The following ATOSA variants were observed in gnomAD, a reference collection of about 807,000 sequenced individuals.
ATOSA encodes the protein atos homolog A, also known as atos homolog protein A.
the ATOSA span, among the ~76,000 whole-genome samples, chr15:52,624,943 A>G: frequency 1.6e-4 from 24 of 151,816 alleles, no homozygotes; most frequent in Admixed American, 5.3e-4. Flanking sequence ...ACGCCCAGCT[A>G]ATTTTTTGTA....
the ATOSA span, among the ~76,000 whole-genome samples, chr15:52,673,877 T>C: frequency 6.6e-6 from 1 of 152,194 alleles, no homozygotes; most frequent in Non-Finnish European, 1.5e-5. Context: ...GCCACTGAAA[T>C]TCTAAGGCTA....
the ATOSA span, among the ~76,000 whole-genome samples, chr15:52,644,862 C>A: frequency 6.6e-6 from 1 of 152,146 alleles, no homozygotes; most frequent in African/African-American, 2.4e-5. Context: ...ACTAGAATTT[C>A]TAGGCCTCAA....
chr15:52,684,991 T>C, the ATOSA span, among the ~76,000 whole-genome samples: 21 of 152,378 alleles, frequency 1.4e-4, no homozygotes, highest in South Asian at 4.3e-3. Flanking sequence ...ATTGATACTT[T>C]AAAAATATTG....
chr15:52,603,761 G>C, the ATOSA span, among the ~76,000 whole-genome samples: 52 of 152,164 alleles, frequency 3.4e-4, no homozygotes, highest in Non-Finnish European at 5.7e-4. Flanking sequence ...CACTCATATG[G>C]GGGAGCTTAA....
At chr15:52,610,242 A>G in the ATOSA span, 17 of 1,613,866 alleles carry the variant, frequency 1.1e-5, no homozygotes, top group Non-Finnish European at 1.4e-5. Context: ...TGCACGTCAA[A>G]ACTGGATAAT....
the ATOSA span, chr15:52,611,870 G>A: frequency 4.0e-5 from 46 of 1,163,564 alleles, no homozygotes; most frequent in African/African-American, 6.3e-4. Context: ...AGACATCTGT[G>A]TGAGAAATGA....
At chr15:52,677,963 GA>G in the ATOSA span, 1 of 1,613,516 alleles carries the variant, frequency 6.2e-7, no homozygotes, top group South Asian at 1.1e-5. Flanking sequence ...GCATAGAAAA[GA>G]AGGGGGTGGG....
At chr15:52,653,911 G>A in the ATOSA span, among the ~76,000 whole-genome samples, 2 of 152,116 alleles carry the variant, frequency 1.3e-5, no homozygotes, top group Admixed American at 6.6e-5. Context: ...GGTGACTAGT[G>A]CAAGTAGAAC....
chr15:52,674,859 T>C, the ATOSA span, among the ~76,000 whole-genome samples: 2 of 150,996 alleles, frequency 1.3e-5, no homozygotes, highest in Non-Finnish European at 3.0e-5. Flanking sequence ...TGCTTATATA[T>C]AAGCTTATAT....
the ATOSA span, among the ~76,000 whole-genome samples, chr15:52,646,689 G>A: frequency 2.6e-5 from 4 of 152,112 alleles, no homozygotes; most frequent in African/African-American, 4.8e-5. Flanking sequence ...TCTGAAAGTT[G>A]CATCCAGTCT....
At chr15:52,702,027 A>T in the ATOSA span, among the ~76,000 whole-genome samples, 1 of 152,140 alleles carries the variant, frequency 6.6e-6, no homozygotes, top group African/African-American at 2.4e-5. Flanking sequence ...CCACATCACT[A>T]ATCAGAGAAA....
chr15:52,705,272 G>T, the ATOSA span, among the ~76,000 whole-genome samples: 4 of 151,510 alleles, frequency 2.6e-5, no homozygotes, highest in Middle Eastern at 3.2e-3. Flanking sequence ...ACCAAACACC[G>T]CATGTTCTCA....
At chr15:52,673,810 C>T in the ATOSA span, among the ~76,000 whole-genome samples, 1 of 152,182 alleles carries the variant, frequency 6.6e-6, no homozygotes, top group Admixed American at 6.5e-5. Context: ...TTCACCTGCC[C>T]AGGAGTGAAT....
At chr15:52,588,049 G>A in the ATOSA span, among the ~76,000 whole-genome samples, 1 of 152,216 alleles carries the variant, frequency 6.6e-6, no homozygotes, top group African/African-American at 2.4e-5. Context: ...CATGTCACTA[G>A]AGAAGTCTAA....
the ATOSA span, among the ~76,000 whole-genome samples, chr15:52,706,086 T>C: frequency 0.43 from 65,843 of 151,874 alleles, 14,552 homozygotes; most frequent in Admixed American, 0.52. Context: ...GCAAAAGGAA[T>C]GGGTTAGGGG....
the ATOSA span, chr15:52,582,341 A>C: frequency 2.0e-6 from 3 of 1,509,174 alleles, no homozygotes; most frequent in Admixed American, 2.7e-5. Context: ...AACATTTCAG[A>C]GAACGAGTCT....
the ATOSA span, among the ~76,000 whole-genome samples, chr15:52,616,151 G>A: frequency 2.0e-5 from 3 of 152,202 alleles, no homozygotes; most frequent in Admixed American, 2.0e-4. Context: ...TCGTACAGAC[G>A]TTAGCAGTCT....
chr15:52,708,485 TGTGGGGG>T, the ATOSA span, among the ~76,000 whole-genome samples: 820 of 152,188 alleles, frequency 5.4e-3, 3 homozygotes, highest in South Asian at 0.013. Context: ...GAGTTCAAGG[TGTGGGGG>T]GTGGTTTTTG....
At chr15:52,598,925 T>G in the ATOSA span, among the ~76,000 whole-genome samples, 1 of 152,154 alleles carries the variant, frequency 6.6e-6, no homozygotes, top group African/African-American at 2.4e-5. Context: ...ACCTCCCTCC[T>G]TGCTCTCTTG....
Sources: allele counts gnomAD v4.1 joint callset (sites outside exome capture counted in the v4.1 genomes callset), GRCh38; gene constraint gnomAD v4.1.1; transcripts MANE v1.5; gene names NCBI Gene and HGNC (gene_info 2026-07-23, HGNC 2026-07-21).